The following NTN1 variants were observed in gnomAD, a reference collection of about 807,000 sequenced individuals.
The protein encoded by NTN1 is netrin-1.
NTN1 carries 11 observed loss-of-function variants against 54.2 expected under a neutral mutation model. That is an observed-to-expected ratio of 0.20 (90% CI 0.13 to 0.34). The LOEUF is 0.34. Among genes scored for constraint, NTN1 ranks in the 10% least tolerant of loss-of-function variants. NTN1 has a pLI of 1.00. For synonymous variants in NTN1, 371 were observed against 382.0 expected (o/e 0.97, Z 0.33); for missense variants, 740 against 893.1 (o/e 0.83, Z 2.18).
intron 2 of NTN1, among the ~76,000 whole-genome samples, chr17:9,122,224 C>T (rs987003132): frequency 1.3e-5 from 2 of 151,898 alleles, no homozygotes; most frequent in Non-Finnish European, 1.5e-5. Context: ...TGTTTAAAGA[C>T]GGGGTTTCAC....
At chr17:9,097,305 G>A (rs917080567) in intron 2 of NTN1, among the ~76,000 whole-genome samples, 1 of 152,122 alleles carries the variant, frequency 6.6e-6, no homozygotes, top group Non-Finnish European at 1.5e-5. Context: ...CCTATTAAAT[G>A]CAGTGTGCTT....
At chr17:9,233,949 C>T (rs1295697566) in intron 6 of NTN1, among the ~76,000 whole-genome samples, 1 of 152,206 alleles carries the variant, frequency 6.6e-6, no homozygotes, top group Non-Finnish European at 1.5e-5. Context: ...GGGAAGTGCT[C>T]AAGGCACCCA....
At chr17:9,154,177 G>A (rs1386154171) in intron 2 of NTN1, among the ~76,000 whole-genome samples, 1 of 152,194 alleles carries the variant, frequency 6.6e-6, no homozygotes, top group Non-Finnish European at 1.5e-5. Flanking sequence ...GTGGACCTGG[G>A]AGTGAGACCA....
In NTN1 at chr17:9,152,548, C is replaced by G. The variant is rs368443486; in HGVS notation, c.1019-10265C>G. Among the ~76,000 whole-genome samples the G allele has an allele frequency of 2.6e-5, 4 of 152,272 alleles. No individual in the cohort carries two copies. In the East Asian group the frequency reaches 5.8e-4, roughly 22 times the overall value. Reference sequence around the variant, plus strand: ...TGGCAATTCCCAGCTGTGATCCACCCGCTGCCTGGAGGTGGTCTTAGAGCC... The same window carrying G: ...TGGCAATTCCCAGCTGTGATCCACCGGCTGCCTGGAGGTGGTCTTAGAGCC... On this transcript the variant is annotated intron_variant, in intron 2 of 6. Transcript: ENST00000173229.
intron 2 of NTN1, among the ~76,000 whole-genome samples, chr17:9,142,288 CAAAAAGAAAAAAAA>C (rs1029681368): frequency 2.9e-5 from 4 of 136,290 alleles, no homozygotes; most frequent in African/African-American, 1.2e-4. Context: ...GATTTCATCT[CAAAAAGAAAAAAAA>C]AAAAAGAAAA....
intron 6 of NTN1, among the ~76,000 whole-genome samples, chr17:9,229,788 T>A (rs544781626): frequency 1.8e-4 from 27 of 152,240 alleles, no homozygotes; most frequent in African/African-American, 6.5e-4. Flanking sequence ...TCGAGGAAGC[T>A]TCCAGGAAGA....
At chr17:9,139,660 C>T (rs1221924237) in intron 2 of NTN1, among the ~76,000 whole-genome samples, 2 of 152,178 alleles carry the variant, frequency 1.3e-5, no homozygotes, top group Non-Finnish European at 2.9e-5. Flanking sequence ...GAAGACATCA[C>T]CCTCGTCCTC....
At chr17:9,148,150 C>T (rs2092318806) in intron 2 of NTN1, among the ~76,000 whole-genome samples, 1 of 152,180 alleles carries the variant, frequency 6.6e-6, no homozygotes, top group Non-Finnish European at 1.5e-5. Flanking sequence ...AGACAGTGCC[C>T]TGCAACTGGA....
intron 3 of NTN1, chr17:9,173,439 G>A (rs951573313): frequency 1.3e-5 from 2 of 152,586 alleles, no homozygotes; most frequent in Non-Finnish European, 2.9e-5. Flanking sequence ...TCTGGATCCT[G>A]CTTTTCTCTG....
At chr17:9,189,843 G>A (rs1056511793) in intron 5 of NTN1, among the ~76,000 whole-genome samples, 2 of 152,218 alleles carry the variant, frequency 1.3e-5, no homozygotes, top group Non-Finnish European at 2.9e-5. Flanking sequence ...GAGTGTGGTT[G>A]TTTGGCTCAT....
intron 5 of NTN1, among the ~76,000 whole-genome samples, chr17:9,185,502 A>G (rs1353057523): frequency 6.6e-6 from 1 of 152,218 alleles, no homozygotes. Context: ...TTGAAGGGCC[A>G]GCTCACTCAG....
chr17:9,217,092 G>C (rs927342350), intron 5 of NTN1, among the ~76,000 whole-genome samples: 1 of 151,554 alleles, frequency 6.6e-6, no homozygotes, highest in Admixed American at 6.6e-5. Context: ...CTGTACTGCT[G>C]TCCTTCTGGT....
At chr17:9,095,529 C>T (rs1039698142) in intron 2 of NTN1, among the ~76,000 whole-genome samples, 1 of 152,178 alleles carries the variant, frequency 6.6e-6, no homozygotes, top group African/African-American at 2.4e-5. Context: ...TGTGTTAATT[C>T]TCTTTGGTCT....
intron 2 of NTN1, among the ~76,000 whole-genome samples, chr17:9,146,926 G>A (rs575314458): frequency 2.4e-4 from 36 of 152,128 alleles, no homozygotes; most frequent in Non-Finnish European, 4.7e-4. Context: ...CCCGGCATCG[G>A]TGTTGAGATG....
At chr17:9,149,340 A>G (rs1291399902) in intron 2 of NTN1, among the ~76,000 whole-genome samples, 1 of 152,112 alleles carries the variant, frequency 6.6e-6, no homozygotes, top group Non-Finnish European at 1.5e-5. Flanking sequence ...CACAGAGCAA[A>G]GAGAATTTCA....
chr17:9,029,678 A>G (rs962572948), intron 2 of NTN1, among the ~76,000 whole-genome samples: 2 of 152,254 alleles, frequency 1.3e-5, no homozygotes, highest in Non-Finnish European at 2.9e-5. Flanking sequence ...ACTAAGAAGT[A>G]GATTTTAATT....
intron 5 of NTN1, among the ~76,000 whole-genome samples, chr17:9,196,932 A>G (rs1457168300): frequency 5.3e-5 from 8 of 152,132 alleles, no homozygotes; most frequent in Admixed American, 4.6e-4. Flanking sequence ...CCGACTGTGC[A>G]TCTCTTCCCA....
At chr17:9,205,481 G>A (rs1904941780) in intron 5 of NTN1, among the ~76,000 whole-genome samples, 1 of 152,246 alleles carries the variant, frequency 6.6e-6, no homozygotes, top group Admixed American at 6.5e-5. Flanking sequence ...TAATAAATTA[G>A]CTATGTTTGG....
At chr17:9,082,060 TTTTG>T (rs1207274249) in intron 2 of NTN1, among the ~76,000 whole-genome samples, 1 of 152,108 alleles carries the variant, frequency 6.6e-6, no homozygotes, top group Non-Finnish European at 1.5e-5. Flanking sequence ...AATCTTGTTT[TTTTG>T]TTTGTTTGTT....
Sources: gnomAD v4.1 joint callset for allele counts (sites outside exome capture counted in the v4.1 genomes callset) on GRCh38, gnomAD v4.1.1 for gene constraint, MANE v1.5 for transcripts, NCBI Gene and HGNC (gene_info 2026-07-23, HGNC 2026-07-21) for gene names.